Variants in MAD1L1 observed in about 807,000 individuals in gnomAD.
The protein encoded by MAD1L1 is mitotic arrest deficient 1 like 1.
MAD1L1 carries 95 observed loss-of-function variants against 96.9 expected under a neutral mutation model. That is an observed-to-expected ratio of 0.98 (90% CI 0.83 to 1.16). The LOEUF is 1.16. Among genes scored for constraint, MAD1L1 ranks in the 50% most tolerant of loss-of-function variants. The pLI, the probability that MAD1L1 is intolerant of heterozygous loss-of-function variation, is 0.00. For synonymous variants in MAD1L1, 473 were observed against 396.6 expected, an observed-to-expected ratio of 1.19 and a Z score of -2.29; for missense variants, 1,007 against 954.4, an observed-to-expected ratio of 1.06 and a Z score of -0.73.
At chr7:2,198,920 G>C (rs1792135176) in intron 10 of MAD1L1, among the ~76,000 whole-genome samples, 1 of 152,242 alleles carries the variant, frequency 6.6e-6, no homozygotes, top group African/African-American at 2.4e-5. Context: ...AGGACACACA[G>C]GCCACAGGAA....
At chr7:2,169,592 C>T (rs541525140) in intron 10 of MAD1L1, among the ~76,000 whole-genome samples, 3 of 152,312 alleles carry the variant, frequency 2.0e-5, no homozygotes, top group Non-Finnish European at 2.9e-5. Context: ...TGCCAGGCTC[C>T]GCGCTGCGTG....
intron 11 of MAD1L1, among the ~76,000 whole-genome samples, chr7:2,086,523 G>A (rs1420128683): frequency 6.6e-6 from 1 of 152,240 alleles, no homozygotes; most frequent in Non-Finnish European, 1.5e-5. Flanking sequence ...GCTGCAGGCA[G>A]GGAGACAGGC....
chr7:2,220,987 G>T, intron 5 of MAD1L1: 1 of 1,612,534 alleles, frequency 6.2e-7, no homozygotes, highest in Non-Finnish European at 8.5e-7. Flanking sequence ...AGGCGCATAA[G>T]ATAATTCCAG....
chr7:1,923,223 C>G (rs936861013), intron 17 of MAD1L1, among the ~76,000 whole-genome samples: 2 of 152,228 alleles, frequency 1.3e-5, no homozygotes, highest in Non-Finnish European at 2.9e-5. Flanking sequence ...CTATTTCATA[C>G]TGGGTGAGTT....
chr7:2,010,839 G>A (rs1782265342), intron 13 of MAD1L1, among the ~76,000 whole-genome samples: 1 of 152,148 alleles, frequency 6.6e-6, no homozygotes, highest in Admixed American at 6.5e-5. Context: ...CATGCGCAGG[G>A]CCGGGCAAGC....
intron 14 of MAD1L1, among the ~76,000 whole-genome samples, chr7:1,997,381 G>A (rs1044286716): frequency 1.3e-5 from 2 of 152,198 alleles, no homozygotes; most frequent in Non-Finnish European, 2.9e-5. Context: ...AGCCCTGAGG[G>A]TGCAGACCAC....
rs559726326 is a variant in MAD1L1, at chr7:2,070,782, C to T, written c.1074-1444G>A. Among the ~76,000 whole-genome samples, 66 of 152,384 alleles carry T rather than the reference C, an allele frequency of 4.3e-4. 3 individuals are homozygous for T. The South Asian group carries it at 0.013, about 30-fold the overall frequency. On this transcript the variant is annotated intron_variant, in intron 11 of 18. Coordinates refer to ENST00000265854, the MANE Select transcript of MAD1L1 (RefSeq NM_001013836.2). Reference sequence around the variant, plus strand: ...GGAGAGCCAGGAGGCTGCTTGGAAACAGGAATGTGGGATGGGGCCATGACC... The same window carrying T: ...GGAGAGCCAGGAGGCTGCTTGGAAATAGGAATGTGGGATGGGGCCATGACC...
At chr7:1,972,270 T>G (rs1193411465) in intron 15 of MAD1L1, among the ~76,000 whole-genome samples, 1 of 152,250 alleles carries the variant, frequency 6.6e-6, no homozygotes, top group African/African-American at 2.4e-5. Flanking sequence ...CAATTTTCTG[T>G]GTCAAATTGA....
intron 10 of MAD1L1, among the ~76,000 whole-genome samples, chr7:2,167,948 C>G (rs984061118): frequency 6.6e-6 from 1 of 152,090 alleles, no homozygotes; most frequent in Non-Finnish European, 1.5e-5. Context: ...ATCTTACCTG[C>G]AAAGATTTAT....
chr7:2,194,300 T>C (rs1791879748), intron 10 of MAD1L1, among the ~76,000 whole-genome samples: 1 of 152,228 alleles, frequency 6.6e-6, no homozygotes, highest in African/African-American at 2.4e-5. Context: ...TGGCTAGCCC[T>C]GTATCCTCAG....
chr7:1,841,822 C>A (rs1783278616), intron 18 of MAD1L1, among the ~76,000 whole-genome samples: 1 of 152,196 alleles, frequency 6.6e-6, no homozygotes, highest in Non-Finnish European at 1.5e-5. Context: ...TCCTTCTGGG[C>A]GGGTGCCTCG....
At chr7:2,020,544 C>T (rs1782744008) in intron 12 of MAD1L1, among the ~76,000 whole-genome samples, 1 of 152,206 alleles carries the variant, frequency 6.6e-6, no homozygotes, top group South Asian at 2.1e-4. Flanking sequence ...ATGAGGACCC[C>T]GCCTCTGTGA....
At chr7:2,118,834 C>T (rs1419825822) in intron 11 of MAD1L1, among the ~76,000 whole-genome samples, 8 of 152,216 alleles carry the variant, frequency 5.3e-5, no homozygotes, top group East Asian at 1.9e-4. Context: ...ACGTGAGGCA[C>T]GCGCAGACAC....
At chr7:2,228,899 A>T (rs192064834) in intron 3 of MAD1L1, among the ~76,000 whole-genome samples, 304 of 151,942 alleles carry the variant, frequency 2.0e-3, no homozygotes, top group African/African-American at 7.0e-3. Flanking sequence ...ACGCCCAGCT[A>T]ATTTTTTGTA....
intron 15 of MAD1L1, among the ~76,000 whole-genome samples, chr7:1,971,337 ACACAGAATTCTCTCG>A (rs895743434): frequency 6.6e-6 from 1 of 152,228 alleles, no homozygotes; most frequent in Non-Finnish European, 1.5e-5. Context: ...CTTTCCAGAC[ACACAGAATTCTCTCG>A]CACAGAAGTC....
chr7:1,837,581 T>C (rs1783000941), intron 18 of MAD1L1, among the ~76,000 whole-genome samples: 1 of 152,258 alleles, frequency 6.6e-6, no homozygotes, highest in South Asian at 2.1e-4. Flanking sequence ...GAAGACATTG[T>C]GGTCTATCCG....
At chr7:1,839,783 A>G (rs1783145857) in intron 18 of MAD1L1, among the ~76,000 whole-genome samples, 1 of 148,736 alleles carries the variant, frequency 6.7e-6, no homozygotes, top group South Asian at 2.2e-4. Flanking sequence ...GACCATCTGG[A>G]TGGAGGATGG....
At chr7:2,204,552 G>A in intron 10 of MAD1L1, among the ~76,000 whole-genome samples, 1 of 152,154 alleles carries the variant, frequency 6.6e-6, no homozygotes, top group East Asian at 1.9e-4. Context: ...CAAATCAATG[G>A]GATGGTATAG....
At chr7:2,069,481 G>C (rs1033409600) in intron 11 of MAD1L1, 143 bp from the exon 12 acceptor site, 7 of 734,800 alleles carry the variant, frequency 9.5e-6, no homozygotes, top group African/African-American at 7.3e-5. Flanking sequence ...TTTCCGCACT[G>C]CTGAATAGCT....
Sources: allele counts gnomAD v4.1 joint callset (sites outside exome capture counted in the v4.1 genomes callset), GRCh38; gene constraint gnomAD v4.1.1; transcripts MANE v1.5; gene names NCBI Gene and HGNC (gene_info 2026-07-23, HGNC 2026-07-21).